The following SNX29 variants were observed in gnomAD, a reference collection of about 807,000 sequenced individuals.
SNX29 encodes the protein sorting nexin 29.
In SNX29, 78 loss-of-function variants were observed where a neutral mutation model predicts 102.1. The ratio of observed to expected loss-of-function variants is 0.76; its 90% confidence interval spans 0.64 to 0.92. The LOEUF (loss-of-function observed/expected upper bound fraction) is 0.92, where lower values mean the gene tolerates loss of function less well. Among genes scored for constraint, SNX29 ranks in the 40% least tolerant of loss-of-function variants. The pLI is 0.00. For missense variants in SNX29, 1,280 were observed against 1,061.7 expected (o/e 1.21, Z -2.86); for synonymous variants, 580 against 414.5 (o/e 1.40, Z -4.85).
intron 19 of SNX29, among the ~76,000 whole-genome samples, chr16:12,489,822 T>G (rs550980598): frequency 5.3e-5 from 8 of 152,314 alleles, no homozygotes; most frequent in Admixed American, 5.2e-4. Context: ...TTCTTTTTTT[T>G]CGAGATTGCG....
At chr16:12,043,867 C>A (rs2049984205) in intron 5 of SNX29, among the ~76,000 whole-genome samples, 1 of 152,182 alleles carries the variant, frequency 6.6e-6, no homozygotes, top group Non-Finnish European at 1.5e-5. Flanking sequence ...ATTCTCCTGC[C>A]TCAGCCTCCT....
At chr16:12,465,257 C>G (rs959289539) in intron 18 of SNX29, among the ~76,000 whole-genome samples, 2 of 148,030 alleles carry the variant, frequency 1.4e-5, no homozygotes, top group African/African-American at 2.6e-5. Flanking sequence ...CTTATATTGC[C>G]TGTGCTTTGG....
At chr16:12,475,666 C>T (rs1479707653) in intron 18 of SNX29, among the ~76,000 whole-genome samples, 1 of 152,222 alleles carries the variant, frequency 6.6e-6, no homozygotes, top group Non-Finnish European at 1.5e-5. Context: ...AACACAAAGC[C>T]TATTCTATAA....
chr16:12,486,098 A>T (rs2088216191), intron 19 of SNX29, among the ~76,000 whole-genome samples: 1 of 152,140 alleles, frequency 6.6e-6, no homozygotes, highest in African/African-American at 2.4e-5. Context: ...CCAGGGGATA[A>T]TCCTTCTCCT....
At chr16:12,156,937 C>T (rs1453522011) in intron 13 of SNX29, among the ~76,000 whole-genome samples, 1 of 152,098 alleles carries the variant, frequency 6.6e-6, no homozygotes, top group Non-Finnish European at 1.5e-5. Context: ...GGTGGCTGGG[C>T]AGGGAGGCCC....
intron 11 of SNX29, chr16:12,088,047 T>C (rs1348496301): frequency 4.4e-6 from 2 of 456,688 alleles, no homozygotes; most frequent in Non-Finnish European, 8.8e-6. Context: ...GCTTTGCTTG[T>C]GTCTCTAGGC....
chr16:12,330,768 A>T (rs11864720), intron 15 of SNX29, among the ~76,000 whole-genome samples: 221 of 152,304 alleles, frequency 1.5e-3, no homozygotes, highest in African/African-American at 5.1e-3. Flanking sequence ...AGATATTTTT[A>T]GGCCTGGATT....
chr16:12,403,036 G>A (rs2084010299), intron 17 of SNX29, among the ~76,000 whole-genome samples: 1 of 152,124 alleles, frequency 6.6e-6, no homozygotes, highest in Non-Finnish European at 1.5e-5. Flanking sequence ...CTCCAGAAAC[G>A]CTGGGCATTG....
chr16:12,115,305 G>A (rs1298320543), intron 11 of SNX29, among the ~76,000 whole-genome samples: 1 of 152,094 alleles, frequency 6.6e-6, no homozygotes, highest in African/African-American at 2.4e-5. Context: ...GAAGAAAGTG[G>A]GTTTCTCAGT....
At position 12,029,377 on chromosome 16, in the gene SNX29, G is replaced by A. The variant is rs117487676; in HGVS notation, c.247+1933G>A. On this transcript the variant is annotated intron_variant, in intron 4 of 20. Transcript: ENST00000566228. ...CACTCCAGCTTGCTACAGGGAAAGT[G>A]ATTAATTTTTGAGGAACAAAGCAAA... 2.7e-3 allele frequency among the ~76,000 whole-genome samples: 408 copies of A among 152,222 alleles called. 2 individuals carry two copies. Among genetic ancestry groups the A allele is most frequent in the Non-Finnish European group, 4.3e-3 (292 of 68,018 alleles).
chr16:12,146,262 AT>A (rs112354273), intron 13 of SNX29, among the ~76,000 whole-genome samples: 314 of 143,722 alleles, frequency 2.2e-3, no homozygotes, highest in African/African-American at 4.2e-3. Flanking sequence ...AAAGTATATG[AT>A]TTTTTTTTTT....
At chr16:12,221,867 C>T (rs568639530) in intron 14 of SNX29, among the ~76,000 whole-genome samples, 1 of 152,168 alleles carries the variant, frequency 6.6e-6, no homozygotes, top group African/African-American at 2.4e-5. Flanking sequence ...CTTGGGTGCA[C>T]TAAGGAACTC....
chr16:12,447,760 T>A (rs1194590644), intron 18 of SNX29, among the ~76,000 whole-genome samples: 2 of 152,222 alleles, frequency 1.3e-5, no homozygotes, highest in Non-Finnish European at 2.9e-5. Flanking sequence ...AGATTGTGTT[T>A]GTCACTTGGC....
At chr16:12,217,978 T>A (rs1436573999) in intron 14 of SNX29, among the ~76,000 whole-genome samples, 1 of 152,268 alleles carries the variant, frequency 6.6e-6, no homozygotes, top group East Asian at 1.9e-4. Flanking sequence ...TGGTTTCCCA[T>A]GACTTGTTAT....
chr16:12,181,720 C>T (rs2076389634), intron 13 of SNX29, among the ~76,000 whole-genome samples: 3 of 151,594 alleles, frequency 2.0e-5, no homozygotes, highest in South Asian at 4.2e-4. Context: ...AGGGGGGGTC[C>T]TCCTCAGGGC....
At chr16:12,157,710 G>T (rs1299414165) in intron 13 of SNX29, among the ~76,000 whole-genome samples, 1 of 152,186 alleles carries the variant, frequency 6.6e-6, no homozygotes, top group Admixed American at 6.5e-5. Flanking sequence ...AAGAATCCAG[G>T]AACTGAATTC....
At chr16:12,481,519 C>T (rs962063350) in intron 19 of SNX29, among the ~76,000 whole-genome samples, 2,539 of 67,802 alleles carry the variant, frequency 0.037, 55 homozygotes, top group African/African-American at 0.12. Flanking sequence ...TATAGACACA[C>T]ACACACACAC....
rs557873485 is a variant in SNX29, at chr16:12,338,285, C to T, written c.1783-17878C>T. On this transcript the variant is annotated intron_variant, in intron 15 of 20. Coordinates refer to ENST00000566228, the MANE Select transcript of SNX29 (RefSeq NM_032167.5). The stretch of plus-strand genomic sequence containing the variant: ...AGCAGTGTGGAGGCAACTCATGAGC[C>T]GTGGGGTTGGGCGAGGAAGGGAAGT... Among the ~76,000 whole-genome samples the T allele has an allele frequency of 6.6e-5, 10 of 152,176 alleles. 1 individual carries two copies. The highest frequency in any genetic ancestry group is 1.4e-4 in the African/African-American group (6 of 41,508).
chr16:12,395,159 C>A (rs979599461), intron 16 of SNX29, among the ~76,000 whole-genome samples: 5 of 152,136 alleles, frequency 3.3e-5, no homozygotes, highest in African/African-American at 4.8e-5. Flanking sequence ...ATAGTGGATA[C>A]TTTTCATTCT....
Sources: allele counts gnomAD v4.1 joint callset (sites outside exome capture counted in the v4.1 genomes callset), GRCh38; gene constraint gnomAD v4.1.1; transcripts MANE v1.5; gene names NCBI Gene and HGNC (gene_info 2026-07-23, HGNC 2026-07-21).